CDKL1: variants seen among roughly 807,000 people sequenced by gnomAD.
CDKL1 encodes the protein cyclin dependent kinase like 1.
Under a neutral mutation model 42.0 loss-of-function variants are expected in CDKL1, and 41 were observed. The observed-to-expected ratio is 0.98, with a 90% CI of 0.76 to 1.27. CDKL1 has a LOEUF of 1.27. Among genes scored for constraint, CDKL1 ranks in the 50% most tolerant of loss-of-function variants. The pLI is 0.00. For missense variants in CDKL1, 394 were observed against 428.4 expected (o/e 0.92, Z 0.71); for synonymous variants, 153 against 158.6 (o/e 0.96, Z 0.26).
rs529011101 is a variant in CDKL1 at position 50,344,492 on chromosome 14, C to G, written c.363+494G>C. Among the ~76,000 whole-genome samples, 5 of 125,342 alleles carry G rather than the reference C, an allele frequency of 4.0e-5. No homozygotes were observed. In the South Asian group the frequency reaches 1.3e-3, roughly 32 times the overall value. The allele number at this position is 125,342 out of a possible 152,430, so 82.2% of individuals were successfully genotyped here. On this transcript the variant is annotated intron_variant, in intron 4 of 9. Transcript: ENST00000395834. ...GGTTTTTTTTTTTTTTTTTTTGAGACAGGGTCTCATTCTGTCATCCAGGTT... is the reference window on the plus strand; with the variant it reads ...GGTTTTTTTTTTTTTTTTTTTGAGAGAGGGTCTCATTCTGTCATCCAGGTT...
At chr14:50,368,283 G>T (rs1030400000) in intron 2 of CDKL1, among the ~76,000 whole-genome samples, 3 of 151,098 alleles carry the variant, frequency 2.0e-5, no homozygotes, top group African/African-American at 7.3e-5. Context: ...TTGAGACAGG[G>T]TCTTTCTCTG....
chr14:50,359,144 G>A lies in CDKL1; in HGVS notation c.174C>T (p.Leu58=), dbSNP rs1190241157. Residue 58 remains leucine (L), a synonymous_variant, in exon 3 of 10, where the codon CTC becomes CTT. Transcript: ENST00000395834. ...ALREIRMLKQ[L]KHPNLVNLLE... ...GGAGGTTAACAAGGTTGGGATGCTT[G>A]AGTTGCTGAAAACACAAAAAAACAA... 1 of 1,606,126 alleles carries A rather than the reference G, an allele frequency of 6.2e-7. No individual in the cohort carries two copies. Among genetic ancestry groups the A allele is most frequent in the Admixed American group, 1.7e-5 (1 of 59,044 alleles).
In CDKL1 at chr14:50,339,037, C is replaced by A. The variant is rs1182724523; in HGVS notation, c.656-8G>T. The stretch of plus-strand genomic sequence containing the variant: ...GCCTAGGAATGAGATCCCCTTTGGA[C>A]AAGAAAAGAAAAAGGTAAGTGAAAT... On this transcript the variant is annotated splice_polypyrimidine_tract_variant and splice_region_variant and intron_variant, in intron 6 of 9. Transcript: ENST00000395834. 3 of 1,589,400 alleles carry A rather than the reference C, an allele frequency of 1.9e-6. No homozygotes were observed. Among genetic ancestry groups the A allele is most frequent in the African/African-American group, 1.3e-5 (1 of 74,572 alleles).
At chr14:50,335,822 A>G (rs2033238566) in intron 7 of CDKL1, 4 of 985,368 alleles carry the variant, frequency 4.1e-6, no homozygotes, top group South Asian at 4.7e-5. Context: ...TGGACAGGCA[A>G]CCAGCTCCCA....
intron 8 of CDKL1, chr14:50,332,997 C>T: frequency 4.1e-6 from 1 of 243,452 alleles, no homozygotes; most frequent in Non-Finnish European, 7.7e-6. Context: ...GCATAACGTA[C>T]ATGCCTTTAT....
chr14:50,397,100 T>A (rs778358024), upstream of CDKL1: 1 of 1,359,650 alleles, frequency 7.4e-7, no homozygotes, highest in Non-Finnish European at 9.8e-7. Flanking sequence ...CCTGCTAGAT[T>A]TGCAAACTTC....
chr14:50,356,721 G>T (rs532793391), intron 3 of CDKL1, among the ~76,000 whole-genome samples: 1 of 152,288 alleles, frequency 6.6e-6, no homozygotes, highest in Non-Finnish European at 1.5e-5. Context: ...ATTTCCTTAA[G>T]ATTTCCTTAA....
intron 2 of CDKL1, among the ~76,000 whole-genome samples, chr14:50,364,812 C>T (rs2034392605): frequency 6.6e-6 from 1 of 152,078 alleles, no homozygotes; most frequent in Non-Finnish European, 1.5e-5. Flanking sequence ...AATGATTTTT[C>T]TCTATTCATT....
intron 2 of CDKL1, chr14:50,377,437 C>T (rs1595358069): frequency 2.7e-6 from 1 of 375,806 alleles, no homozygotes; most frequent in East Asian, 1.5e-4. Flanking sequence ...CCCCTGTCAC[C>T]TACTCCTGCT....
At chr14:50,350,117 C>T (rs1457229496) in intron 3 of CDKL1, among the ~76,000 whole-genome samples, 2 of 152,004 alleles carry the variant, frequency 1.3e-5, no homozygotes, top group Non-Finnish European at 1.5e-5. Context: ...TGCTGTGTTG[C>T]CCAGGCTGGT....
At chr14:50,341,780 C>CAAA (rs11381667) in intron 5 of CDKL1, among the ~76,000 whole-genome samples, 12 of 129,288 alleles carry the variant, frequency 9.3e-5, no homozygotes, top group East Asian at 2.2e-4. Flanking sequence ...GACCCTGTCT[C>CAAA]AAAAAAAAAA....
rs759061222 is a variant in CDKL1, at chr14:50,332,337, T to G, written c.891A>C (p.Ala297=). Residue 297 remains alanine (A), a synonymous_variant, in exon 9 of 10, where the codon GCA becomes GCC. Transcript: ENST00000395834. ...FENIREIEDL[A]KEHNKPTRKT... is the part of the protein sequence containing the mutation. ...TCCTTGTTGGTTTGTTGTGTTCTTT[T>G]GCCAAATCCTCTATTTCTCTGATGT... 1.2e-6 allele frequency: 2 copies of G among 1,614,236 alleles called. No homozygotes were observed. Among genetic ancestry groups the G allele is most frequent in the East Asian group, 4.5e-5 (2 of 44,890 alleles).
intron 1 of CDKL1, chr14:50,396,622 A>T (rs2035415637): frequency 1.2e-5 from 3 of 241,304 alleles, no homozygotes; most frequent in Non-Finnish European, 2.0e-5. Flanking sequence ...TCCCTGCGGC[A>T]AGAAGACACC....
At chr14:50,333,834 C>G (rs2033103327) in intron 8 of CDKL1, 1 of 151,552 alleles carries the variant, frequency 6.6e-6, no homozygotes. Flanking sequence ...CTGTAACTTG[C>G]AAACATTTTA....
chr14:50,390,776 C>T (rs1047258781), intron 2 of CDKL1, among the ~76,000 whole-genome samples: 1 of 152,226 alleles, frequency 6.6e-6, no homozygotes, highest in African/African-American at 2.4e-5. Flanking sequence ...TTATGCAGAC[C>T]ACTGCCCACT....
chr14:50,382,707 T>G (rs561811067), intron 2 of CDKL1, among the ~76,000 whole-genome samples: 2 of 152,076 alleles, frequency 1.3e-5, no homozygotes, highest in South Asian at 4.2e-4. Context: ...GATCCTCCCA[T>G]GTCAGCCTCC....
At chr14:50,388,110 C>T in intron 2 of CDKL1, among the ~76,000 whole-genome samples, 1 of 152,150 alleles carries the variant, frequency 6.6e-6, no homozygotes, top group East Asian at 1.9e-4. Flanking sequence ...AGGCTGGTCT[C>T]AAACTCCTGA....
intron 2 of CDKL1, chr14:50,378,266 A>T (rs1318207940): frequency 7.3e-7 from 1 of 1,366,314 alleles, no homozygotes; most frequent in African/African-American, 1.5e-5. Flanking sequence ...ACCTCCTTCT[A>T]GGGCCCACGG....
At chr14:50,337,181 G>A (rs2033325993) in intron 7 of CDKL1, among the ~76,000 whole-genome samples, 1 of 151,514 alleles carries the variant, frequency 6.6e-6, no homozygotes, top group Admixed American at 6.6e-5. Flanking sequence ...GCTAATTTTT[G>A]TATTTTTAGT....
Sources: allele counts gnomAD v4.1 joint callset (sites outside exome capture counted in the v4.1 genomes callset), GRCh38; gene constraint gnomAD v4.1.1; transcripts MANE v1.5; gene names NCBI Gene and HGNC (gene_info 2026-07-23, HGNC 2026-07-21).